Variants in BMP2K observed in about 807,000 individuals in gnomAD.
The protein encoded by BMP2K is BMP-2-inducible protein kinase.
In BMP2K, 74 loss-of-function variants were observed where a neutral mutation model predicts 116.0. The observed-to-expected ratio is 0.64, with a 90% CI of 0.53 to 0.77. The LOEUF (loss-of-function observed/expected upper bound fraction) is 0.77. Ranked by LOEUF, BMP2K falls within the 30% of genes least tolerant of loss-of-function variation. BMP2K has a pLI of 0.00. For missense variants in BMP2K, 1,365 were observed against 1,403.6 expected, an observed-to-expected ratio of 0.97 and a Z score of 0.44; for synonymous variants, 486 against 502.5, an observed-to-expected ratio of 0.97 and a Z score of 0.44.
chr4:78,896,193 C>T (rs1379805513), intron 15 of BMP2K, among the ~76,000 whole-genome samples: 1 of 152,210 alleles, frequency 6.6e-6, no homozygotes. Context: ...AATAATCCTA[C>T]TGTCACTGCC....
At chr4:78,832,596 GTTCTC>G (rs1376884308) in intron 2 of BMP2K, among the ~76,000 whole-genome samples, 1 of 152,090 alleles carries the variant, frequency 6.6e-6, no homozygotes, top group Non-Finnish European at 1.5e-5. Flanking sequence ...CTTAGACTAA[GTTCTC>G]TAACTAACTT....
At chr4:78,904,605 A>G (rs1338282168) in intron 15 of BMP2K, among the ~76,000 whole-genome samples, 1 of 151,924 alleles carries the variant, frequency 6.6e-6, no homozygotes, top group Non-Finnish European at 1.5e-5. Context: ...GCTCTGAATG[A>G]ATTTTGGCAG....
intron 14 of BMP2K, among the ~76,000 whole-genome samples, chr4:78,882,202 T>A (rs1732905739): frequency 6.6e-6 from 1 of 151,924 alleles, no homozygotes; most frequent in African/African-American, 2.4e-5. Context: ...ATAATAGTAT[T>A]TTGAGATATC....
intron 15 of BMP2K, among the ~76,000 whole-genome samples, chr4:78,909,487 C>A (rs1389889070): frequency 6.6e-6 from 1 of 152,120 alleles, no homozygotes; most frequent in African/African-American, 2.4e-5. Context: ...AGGACCTTCA[C>A]AGTCTGGCCT....
chr4:78,888,572 T>C (rs908522501), intron 15 of BMP2K, among the ~76,000 whole-genome samples: 3 of 152,184 alleles, frequency 2.0e-5, no homozygotes, highest in African/African-American at 4.8e-5. Flanking sequence ...TTTAATAGCA[T>C]CTGAAAGAAC....
At chr4:78,826,636 G>A (rs1200463893) in intron 2 of BMP2K, among the ~76,000 whole-genome samples, 1 of 152,118 alleles carries the variant, frequency 6.6e-6, no homozygotes, top group Non-Finnish European at 1.5e-5. Flanking sequence ...TGGCGATTTG[G>A]TTCTAGGACC....
intron 4 of BMP2K, 117 bp from the exon 5 acceptor site, chr4:78,844,811 G>A (rs1305653596): frequency 7.2e-6 from 6 of 827,684 alleles, no homozygotes; most frequent in Admixed American, 2.4e-5. Flanking sequence ...TATACCCTTC[G>A]GTGTTTATTG....
At chr4:78,889,734 G>A (rs1029005493) in intron 15 of BMP2K, among the ~76,000 whole-genome samples, 2 of 152,146 alleles carry the variant, frequency 1.3e-5, no homozygotes, top group Admixed American at 6.5e-5. Flanking sequence ...CTACTCCCAG[G>A]TGTATGTGTG....
Position 78,872,191 on chromosome 4 carries a change from G to T in BMP2K, c.1608+243G>T, listed in dbSNP as rs540152951. 3.0e-5 allele frequency: 11 copies of T among 364,856 alleles called. No homozygotes were observed. In the South Asian group the frequency reaches 5.8e-4, roughly 19 times the overall value. The allele number at this position is 364,856 out of a possible 1,614,324, so 22.6% of individuals were successfully genotyped here. A position where few individuals can be genotyped will look rare whatever the true frequency, so the allele number is the denominator to read the frequency against. ...TCTTATGTCATTATATAAGGGAAAT[G>T]ATGTCTTACCTATAGTCTTTCGTCA... On this transcript the variant is annotated intron_variant, in intron 12 of 15. Transcript: ENST00000502613.
intron 1 of BMP2K, among the ~76,000 whole-genome samples, chr4:78,814,293 C>T (rs1729224669): frequency 6.6e-6 from 1 of 152,176 alleles, no homozygotes; most frequent in Non-Finnish European, 1.5e-5. Context: ...CCTTACTGTC[C>T]TATTATTATC....
intron 15 of BMP2K, among the ~76,000 whole-genome samples, chr4:78,887,675 CTTTG>C (rs1733171694): frequency 6.6e-6 from 1 of 152,096 alleles, no homozygotes; most frequent in Non-Finnish European, 1.5e-5. Context: ...GTCACAATCA[CTTTG>C]TTTTACTCTT....
rs1297378709 is a variant in BMP2K at position 78,879,380 on chromosome 4, G to T, written c.1951+489G>T. On this transcript the variant is annotated intron_variant, in intron 14 of 15. Coordinates refer to ENST00000502613, the MANE Select transcript of BMP2K (RefSeq NM_198892.2). The stretch of plus-strand genomic sequence containing the variant: ...CTTTTAATGAGTGGTGACATAAAAG[G>T]GCTGCTTTGTTGTCCTGATATGGCA... 5.1e-6 allele frequency: 5 copies of T among 985,764 alleles called. No individual in the cohort carries two copies. In the Admixed American group the frequency reaches 3.1e-4, roughly 61 times the overall value. The allele number at this position is 985,764 out of a possible 1,614,324, so 61.1% of individuals were successfully genotyped here.
At chr4:78,807,236 T>C (rs1223027419) in intron 1 of BMP2K, among the ~76,000 whole-genome samples, 1 of 152,224 alleles carries the variant, frequency 6.6e-6, no homozygotes. Context: ...TAATACGTTT[T>C]ATTACATTGG....
At chr4:78,844,866 G>T (rs1730922963) in intron 4 of BMP2K, 62 bp from the exon 5 acceptor site, 1 of 1,420,882 alleles carries the variant, frequency 7.0e-7, no homozygotes. Context: ...TTTTTACAAA[G>T]ATTGTAAAAA....
At chr4:78,845,622 C>G (rs753485047) in intron 5 of BMP2K, among the ~76,000 whole-genome samples, 1 of 151,612 alleles carries the variant, frequency 6.6e-6, no homozygotes, top group Non-Finnish European at 1.5e-5. Context: ...GAGAATCTTT[C>G]GCTGACTCTT....
In BMP2K at chr4:78,911,347, T is replaced by C; in HGVS notation, c.2800T>C (p.Ser934Pro). 1 of 1,613,710 alleles carries C rather than the reference T, an allele frequency of 6.2e-7. No individual in the cohort carries two copies. Among genetic ancestry groups the C allele is most frequent in the Non-Finnish European group, 8.5e-7 (1 of 1,179,798 alleles). Residue 934 changes from serine to proline, a missense_variant, in exon 16 of 16, where the codon TCC becomes CCC. By Grantham distance (74) the Ser-to-Pro change is moderately conservative. Coordinates refer to ENST00000502613, the MANE Select transcript of BMP2K (RefSeq NM_198892.2). ...TCCCAAAAGTGTAGATGTATTTGGC[T>C]CCACTCCATTTCAGCCCTTCCTCAC... ...GYPKSVDVFG[S>P]TPFQPFLTST...
chr4:78,854,844 A>G (rs576504933), intron 7 of BMP2K, among the ~76,000 whole-genome samples: 2 of 151,940 alleles, frequency 1.3e-5, no homozygotes, highest in South Asian at 2.1e-4. Flanking sequence ...AAAATACCTC[A>G]CCCAACCTCA....
At chr4:78,868,121 T>G (rs1449639477) in intron 10 of BMP2K, among the ~76,000 whole-genome samples, 1 of 152,094 alleles carries the variant, frequency 6.6e-6, no homozygotes, top group Non-Finnish European at 1.5e-5. Context: ...TATTAGTTCG[T>G]TTTCATGCTG....
At chr4:78,837,730 G>C (rs1041316971) in intron 3 of BMP2K, among the ~76,000 whole-genome samples, 2 of 151,618 alleles carry the variant, frequency 1.3e-5, no homozygotes, top group African/African-American at 4.8e-5. Context: ...CAAACTTCAG[G>C]ACTCAAGTGA....
Sources: allele counts gnomAD v4.1 joint callset (sites outside exome capture counted in the v4.1 genomes callset), GRCh38; gene constraint gnomAD v4.1.1; transcripts MANE v1.5; gene names NCBI Gene and HGNC (gene_info 2026-07-23, HGNC 2026-07-21).